The following ENTREP2 variants were observed in gnomAD, a reference collection of about 807,000 sequenced individuals.
ENTREP2 encodes the protein protein ENTREP2.
chr15:29,217,190 C>T, the ENTREP2 span, among the ~76,000 whole-genome samples: 1 of 152,180 alleles, frequency 6.6e-6, no homozygotes, highest in Non-Finnish European at 1.5e-5. Flanking sequence ...ATACAGCTTG[C>T]CACAGTATCT....
At chr15:29,207,579 T>C in the ENTREP2 span, among the ~76,000 whole-genome samples, 3 of 152,108 alleles carry the variant, frequency 2.0e-5, no homozygotes, top group South Asian at 6.2e-4. Context: ...TGCTGATTGG[T>C]GCATTTTACA....
At chr15:29,330,599 A>C in the ENTREP2 span, among the ~76,000 whole-genome samples, 1 of 152,168 alleles carries the variant, frequency 6.6e-6, no homozygotes, top group Non-Finnish European at 1.5e-5. Flanking sequence ...GGTCATACGA[A>C]GTGAGGAAAG....
At chr15:29,515,036 G>A in the ENTREP2 span, among the ~76,000 whole-genome samples, 5 of 152,158 alleles carry the variant, frequency 3.3e-5, no homozygotes, top group East Asian at 1.9e-4. Flanking sequence ...AACCTACCAC[G>A]AACACTTTCT....
chr15:29,599,597 A>T, the ENTREP2 span, among the ~76,000 whole-genome samples: 1 of 152,202 alleles, frequency 6.6e-6, no homozygotes, highest in Non-Finnish European at 1.5e-5. Context: ...CCTCATGTGG[A>T]AACTGGTCAT....
the ENTREP2 span, among the ~76,000 whole-genome samples, chr15:29,631,865 C>T: frequency 1.3e-5 from 2 of 152,286 alleles, no homozygotes; most frequent in Non-Finnish European, 2.9e-5. Flanking sequence ...GAGTCCACAC[C>T]CCCTCCCTGG....
At chr15:29,350,823 A>G in the ENTREP2 span, among the ~76,000 whole-genome samples, 1 of 152,104 alleles carries the variant, frequency 6.6e-6, no homozygotes. Flanking sequence ...TGCGCCTGTA[A>G]TGCCAGCTAC....
At chr15:29,193,734 G>A in the ENTREP2 span, among the ~76,000 whole-genome samples, 1 of 152,166 alleles carries the variant, frequency 6.6e-6, no homozygotes, top group Non-Finnish European at 1.5e-5. Context: ...GCACATGACT[G>A]TCTACATAAG....
At chr15:29,446,139 C>G in the ENTREP2 span, among the ~76,000 whole-genome samples, 5 of 152,342 alleles carry the variant, frequency 3.3e-5, no homozygotes, top group African/African-American at 1.2e-4. Context: ...CAGAAGGAAG[C>G]AGGCCTTCCT....
the ENTREP2 span, among the ~76,000 whole-genome samples, chr15:29,221,113 G>A: frequency 6.6e-6 from 1 of 152,170 alleles, no homozygotes; most frequent in Admixed American, 6.5e-5. Flanking sequence ...GCCAGAATCT[G>A]GAGTTCTCTT....
the ENTREP2 span, among the ~76,000 whole-genome samples, chr15:29,387,658 CCAAGTCAATCCT>C: frequency 6.6e-6 from 1 of 152,128 alleles, no homozygotes; most frequent in East Asian, 1.9e-4. Flanking sequence ...GCCTGCATTG[CCAAGTCAATCCT>C]AAGCCAAAAG....
At chr15:29,438,336 G>T in the ENTREP2 span, among the ~76,000 whole-genome samples, 1 of 152,284 alleles carries the variant, frequency 6.6e-6, no homozygotes, top group African/African-American at 2.4e-5. Flanking sequence ...AGTCAAAATG[G>T]ACTCCCCGTG....
the ENTREP2 span, among the ~76,000 whole-genome samples, chr15:29,657,478 G>GGGGCAGGGC: frequency 3.6e-5 from 4 of 110,800 alleles, no homozygotes; most frequent in Non-Finnish European, 5.6e-5. Context: ...TGTCGGCTGG[G>GGGGCAGGGC]GGGGCGGGGG....
the ENTREP2 span, among the ~76,000 whole-genome samples, chr15:29,316,806 CTA>C: frequency 6.6e-6 from 1 of 152,096 alleles, no homozygotes; most frequent in African/African-American, 2.4e-5. Context: ...TAAAAATTTC[CTA>C]TGTTTTGGGA....
the ENTREP2 span, among the ~76,000 whole-genome samples, chr15:29,225,976 C>G: frequency 6.6e-6 from 1 of 152,040 alleles, no homozygotes; most frequent in African/African-American, 2.4e-5. Context: ...TTCCTTGGAG[C>G]ACTTCCTGTT....
At chr15:29,137,209 C>A in the ENTREP2 span, 3 of 1,467,126 alleles carry the variant, frequency 2.0e-6, no homozygotes, top group Non-Finnish European at 2.7e-6. Flanking sequence ...AAAACAGAGA[C>A]AACCACAGAG....
the ENTREP2 span, among the ~76,000 whole-genome samples, chr15:29,218,597 A>G: frequency 0.068 from 10,359 of 152,232 alleles, 1,224 homozygotes; most frequent in African/African-American, 0.24. Context: ...AAAACAGCAT[A>G]ATACTGGTAT....
At chr15:29,337,127 A>G in the ENTREP2 span, among the ~76,000 whole-genome samples, 2 of 152,224 alleles carry the variant, frequency 1.3e-5, no homozygotes, top group African/African-American at 4.8e-5. Flanking sequence ...ATTTGAGATT[A>G]TGAATTCCCT....
chr15:29,413,383 A>C, the ENTREP2 span, among the ~76,000 whole-genome samples: 4 of 152,124 alleles, frequency 2.6e-5, no homozygotes, highest in Non-Finnish European at 5.9e-5. Flanking sequence ...TTCTACCTCC[A>C]TTTTTATGTG....
chr15:29,582,024 C>T, the ENTREP2 span, among the ~76,000 whole-genome samples: 2 of 151,342 alleles, frequency 1.3e-5, no homozygotes, highest in African/African-American at 4.9e-5. Flanking sequence ...TCACTGCAAC[C>T]TCTGCCTCCC....
Sources: allele counts gnomAD v4.1 joint callset (sites outside exome capture counted in the v4.1 genomes callset), GRCh38; gene constraint gnomAD v4.1.1; transcripts MANE v1.5; gene names NCBI Gene and HGNC (gene_info 2026-07-23, HGNC 2026-07-21).